Variants in DTNB observed in about 807,000 individuals in gnomAD.
DTNB encodes DTN-B.
A neutral mutation model predicts 90.7 loss-of-function variants in DTNB; 63 were observed. The observed-to-expected ratio is 0.69, with a 90% CI of 0.57 to 0.86. The LOEUF is 0.86. Ranked by LOEUF, DTNB falls within the 40% of genes least tolerant of loss-of-function variation. The pLI is 0.00. For synonymous variants in DTNB, 277 were observed against 286.7 expected (o/e 0.97, Z 0.34); for missense variants, 744 against 807.1 (o/e 0.92, Z 0.95).
intron 6 of DTNB, among the ~76,000 whole-genome samples, chr2:25,582,157 T>C (rs1057490279): frequency 6.6e-6 from 1 of 152,246 alleles, no homozygotes; most frequent in Non-Finnish European, 1.5e-5. Flanking sequence ...TATTGCTGGC[T>C]GATTACAAAA....
chr2:25,482,795 C>A lies in DTNB; in HGVS notation c.1079+1G>T. The A allele has an allele frequency of 6.2e-7, 1 of 1,613,650 alleles. No homozygotes were observed. The highest frequency in any genetic ancestry group is 2.2e-5 in the East Asian group (1 of 44,872). On this transcript the variant is annotated splice_donor_variant, in intron 10 of 20. Coordinates refer to ENST00000406818, the MANE Select transcript of DTNB (RefSeq NM_021907.5). LOFTEE classifies it high-confidence loss of function. ...AAGTCGAAGGCACAAGACATACGTA[C>A]CTCTTGGTGGGAGTGGGCACTCCAG...
intron 2 of DTNB, among the ~76,000 whole-genome samples, chr2:25,640,258 TC>T (rs2077966116): frequency 6.6e-6 from 1 of 152,196 alleles, no homozygotes; most frequent in African/African-American, 2.4e-5. Context: ...ATGTGAGATT[TC>T]ACCTATCCTT....
At chr2:25,557,508 T>C (rs751127272) in intron 8 of DTNB, among the ~76,000 whole-genome samples, 5 of 152,142 alleles carry the variant, frequency 3.3e-5, no homozygotes. Context: ...CAAAAGACTA[T>C]CACAACTATT....
chr2:25,429,079 G>A (rs1037965655), intron 14 of DTNB, among the ~76,000 whole-genome samples: 3 of 152,086 alleles, frequency 2.0e-5, no homozygotes, highest in Admixed American at 6.5e-5. Flanking sequence ...CGTGACTACC[G>A]AGCCCCTGAA....
chr2:25,567,824 G>C (rs766278761), intron 8 of DTNB, among the ~76,000 whole-genome samples: 1 of 152,206 alleles, frequency 6.6e-6, no homozygotes, highest in Non-Finnish European at 1.5e-5. Context: ...GGAAGGCAGA[G>C]AAGGAGGCAT....
intron 10 of DTNB, among the ~76,000 whole-genome samples, chr2:25,457,042 C>T (rs1441259883): frequency 6.6e-6 from 1 of 151,966 alleles, no homozygotes; most frequent in Non-Finnish European, 1.5e-5. Context: ...CGGAGTATCA[C>T]TCTGTCACCC....
intron 12 of DTNB, among the ~76,000 whole-genome samples, chr2:25,441,498 G>C (rs747023033): frequency 2.3e-4 from 35 of 152,344 alleles, no homozygotes; most frequent in Non-Finnish European, 4.1e-4. Flanking sequence ...TATGCTGACA[G>C]CTTTAATGAG....
At chr2:25,451,088 A>G (rs550375784) in intron 12 of DTNB, among the ~76,000 whole-genome samples, 1 of 152,220 alleles carries the variant, frequency 6.6e-6, no homozygotes, top group East Asian at 1.9e-4. Flanking sequence ...TATACACTTT[A>G]TATCTTGTAG....
rs141255991 is a variant in DTNB at position 25,616,161 on chromosome 2, T to C, written c.363-8840A>G. On this transcript the variant is annotated intron_variant, in intron 4 of 20. Transcript: ENST00000406818. ...GCAGAAAAGAAACTGTTGCTATCTA[T>C]GCAGACAGACAGGAAAGTGTGGCAG... Among the ~76,000 whole-genome samples the C allele has an allele frequency of 5.8e-4, 89 of 152,302 alleles. 1 individual carries two copies. The East Asian group carries it at 0.013, about 22-fold the overall frequency.
At position 25,482,979 on chromosome 2, in the gene DTNB, T is replaced by C. The variant is rs897276996; in HGVS notation, c.1002-106A>G. On this transcript the variant is annotated intron_variant, in intron 9 of 20. Coordinates refer to ENST00000406818, the MANE Select transcript of DTNB (RefSeq NM_021907.5). ...CAAAGGGACCAATCATCATTCGCGG[T>C]AAGCACAGACGGACCCATGGGGAGG... 2.6e-6 allele frequency: 3 copies of C among 1,150,062 alleles called. No individual in the cohort carries two copies. In the African/African-American group the frequency reaches 5.0e-5, roughly 19 times the overall value. 71.2% of individuals were successfully genotyped at this position (1,150,062 alleles called of 1,614,324 possible).
At chr2:25,475,125 C>T (rs940035429) in intron 10 of DTNB, among the ~76,000 whole-genome samples, 1 of 152,140 alleles carries the variant, frequency 6.6e-6, no homozygotes, top group Non-Finnish European at 1.5e-5. Context: ...TCAAAAGCTA[C>T]AAATGATTAA....
intron 15 of DTNB, among the ~76,000 whole-genome samples, chr2:25,423,051 G>C (rs942267400): frequency 6.6e-6 from 1 of 152,176 alleles, no homozygotes; most frequent in African/African-American, 2.4e-5. Context: ...TCAGCTGGTT[G>C]TGGTGGCGGG....
intron 11 of DTNB, among the ~76,000 whole-genome samples, chr2:25,452,324 G>A (rs2059400960): frequency 6.6e-6 from 1 of 152,186 alleles, no homozygotes; most frequent in South Asian, 2.1e-4. Flanking sequence ...GTAATAGGCT[G>A]GCTCTGCATA....
At chr2:25,504,587 A>G (rs924403811) in intron 9 of DTNB, among the ~76,000 whole-genome samples, 1 of 151,568 alleles carries the variant, frequency 6.6e-6, no homozygotes, top group Admixed American at 6.6e-5. Context: ...AAAAGAAAAG[A>G]AAGAGAAAGA....
chr2:25,545,458 TG>T (rs2082207075), intron 8 of DTNB, among the ~76,000 whole-genome samples: 1 of 152,208 alleles, frequency 6.6e-6, no homozygotes, highest in African/African-American at 2.4e-5. Context: ...TGGAAGTGTA[TG>T]GCTACAGAGG....
intron 9 of DTNB, among the ~76,000 whole-genome samples, chr2:25,526,768 C>T (rs1308597988): frequency 2.0e-5 from 3 of 151,960 alleles, no homozygotes; most frequent in African/African-American, 4.8e-5. Flanking sequence ...ACATACACGA[C>T]GAGCACATTA....
At chr2:25,516,542 C>T (rs923142117) in intron 9 of DTNB, among the ~76,000 whole-genome samples, 10 of 151,726 alleles carry the variant, frequency 6.6e-5, no homozygotes, top group Admixed American at 6.6e-5. Flanking sequence ...TGTGAGCCAC[C>T]GTGCCCGGCC....
chr2:25,658,713 AC>A (rs752500326), intron 1 of DTNB, among the ~76,000 whole-genome samples: 4 of 152,194 alleles, frequency 2.6e-5, no homozygotes, highest in Non-Finnish European at 5.9e-5. Context: ...TCTAGATAAA[AC>A]AGAACTATAG....
At chr2:25,473,179 C>T (rs1410795319) in intron 10 of DTNB, among the ~76,000 whole-genome samples, 2 of 152,146 alleles carry the variant, frequency 1.3e-5, no homozygotes, top group Admixed American at 6.5e-5. Context: ...GAGAACTGTA[C>T]CACAGCACTG....
Sources: gnomAD v4.1 joint callset for allele counts (sites outside exome capture counted in the v4.1 genomes callset) on GRCh38, gnomAD v4.1.1 for gene constraint, MANE v1.5 for transcripts, NCBI Gene and HGNC (gene_info 2026-07-23, HGNC 2026-07-21) for gene names.